The following GULP1 variants were observed in gnomAD, a reference collection of about 807,000 sequenced individuals.
GULP1 encodes the protein PTB domain-containing engulfment adapter protein 1.
A neutral mutation model predicts 40.9 loss-of-function variants in GULP1; 19 were observed. The ratio of observed to expected loss-of-function variants is 0.46; its 90% confidence interval spans 0.32 to 0.68. The LOEUF (loss-of-function observed/expected upper bound fraction) is 0.68. Among genes scored for constraint, GULP1 ranks in the 30% least tolerant of loss-of-function variants. The probability of loss-of-function intolerance (pLI) is 0.03; values close to 1 mark genes in which losing one functional copy is unlikely to be tolerated. For missense variants in GULP1, 312 were observed against 362.2 expected, an observed-to-expected ratio of 0.86 and a Z score of 1.12; for synonymous variants, 119 against 117.6, an observed-to-expected ratio of 1.01 and a Z score of -0.08.
chr2:188,484,742 T>C (rs1039834014), intron 4 of GULP1, among the ~76,000 whole-genome samples: 1 of 152,178 alleles, frequency 6.6e-6, no homozygotes, highest in East Asian at 1.9e-4. Context: ...TAAAAGCCTA[T>C]GTAGAAGAAG....
intron 7 of GULP1, 36 bp from the exon 8 acceptor site, chr2:188,569,203 T>C: frequency 1.9e-6 from 2 of 1,028,624 alleles, no homozygotes; most frequent in Non-Finnish European, 3.1e-6. Flanking sequence ...TTTGACATAT[T>C]ATTAAAATGC....
intron 1 of GULP1, among the ~76,000 whole-genome samples, chr2:188,295,715 TTTTAGAC>T (rs1203944167): frequency 6.6e-6 from 1 of 152,038 alleles, no homozygotes; most frequent in East Asian, 1.9e-4. Context: ...TAGCTTTTAT[TTTTAGAC>T]TTTATATTAT....
intron 2 of GULP1, among the ~76,000 whole-genome samples, chr2:188,428,682 A>C (rs1221212734): frequency 6.6e-6 from 1 of 152,114 alleles, no homozygotes; most frequent in African/African-American, 2.4e-5. Flanking sequence ...CCCTGAAGCC[A>C]AGCAGATGCT....
intron 4 of GULP1, among the ~76,000 whole-genome samples, chr2:188,494,533 G>A (rs995345888): frequency 2.6e-5 from 4 of 152,000 alleles, no homozygotes; most frequent in Non-Finnish European, 5.9e-5. Flanking sequence ...AACACTTGGT[G>A]TCAACTGCTA....
At chr2:188,488,875 T>C (rs550640190) in intron 4 of GULP1, among the ~76,000 whole-genome samples, 1 of 152,072 alleles carries the variant, frequency 6.6e-6, no homozygotes, top group East Asian at 1.9e-4. Context: ...AAATCAAATA[T>C]AGAAAGATAA....
At chr2:188,457,915 A>G (rs2059397117) in intron 2 of GULP1, among the ~76,000 whole-genome samples, 1 of 152,176 alleles carries the variant, frequency 6.6e-6, no homozygotes, top group Non-Finnish European at 1.5e-5. Flanking sequence ...ATAATTGTAC[A>G]GAAATTTAAC....
chr2:188,495,296 T>G (rs11685238), intron 4 of GULP1, among the ~76,000 whole-genome samples: 135,055 of 152,000 alleles, frequency 0.89, 61,282 homozygotes, highest in South Asian at 0.99. Flanking sequence ...TACCTACATA[T>G]ATGCCCTCTT....
intron 2 of GULP1, among the ~76,000 whole-genome samples, chr2:188,390,269 C>T (rs1461997636): frequency 6.6e-6 from 1 of 152,062 alleles, no homozygotes; most frequent in Admixed American, 6.6e-5. Context: ...TTGCCACTTC[C>T]ACGCCAAATC....
At chr2:188,309,263 C>T (rs1344715251) in intron 1 of GULP1, among the ~76,000 whole-genome samples, 6 of 151,932 alleles carry the variant, frequency 3.9e-5, no homozygotes, top group African/African-American at 1.5e-4. Context: ...CCCAGCAGTT[C>T]AAGACCAGCC....
intron 2 of GULP1, among the ~76,000 whole-genome samples, chr2:188,477,406 G>A (rs2153036898): frequency 6.6e-6 from 1 of 152,098 alleles, no homozygotes; most frequent in African/African-American, 2.4e-5. Flanking sequence ...GTTAATGATG[G>A]ATATATAATA....
At chr2:188,514,040 A>AGTGTGTGTGTGT (rs1164481151) in intron 4 of GULP1, among the ~76,000 whole-genome samples, 18,846 of 122,756 alleles carry the variant, frequency 0.15, 1,977 homozygotes, top group East Asian at 0.28. Flanking sequence ...TCCCCTTCTG[A>AGTGTGTGTGTGT]GTGTGTGTGT....
intron 2 of GULP1, among the ~76,000 whole-genome samples, chr2:188,385,183 C>T (rs763078086): frequency 5.3e-5 from 8 of 152,182 alleles, no homozygotes; most frequent in Admixed American, 1.3e-4. Flanking sequence ...TCTGCCTGGA[C>T]ATCCAGGCAT....
intron 1 of GULP1, among the ~76,000 whole-genome samples, chr2:188,357,179 C>T (rs1397667915): frequency 6.6e-6 from 1 of 152,068 alleles, no homozygotes; most frequent in Non-Finnish European, 1.5e-5. Context: ...CTCAAAAGCA[C>T]AGGCAACCGA....
intron 4 of GULP1, among the ~76,000 whole-genome samples, chr2:188,517,739 A>G (rs2065328419): frequency 6.6e-6 from 1 of 151,968 alleles, no homozygotes; most frequent in African/African-American, 2.4e-5. Context: ...CCTCAGGGAA[A>G]AATTCTTCTG....
At chr2:188,344,531 G>A (rs2043364696) in intron 1 of GULP1, among the ~76,000 whole-genome samples, 2 of 152,264 alleles carry the variant, frequency 1.3e-5, no homozygotes, top group African/African-American at 2.4e-5. Context: ...ATAGTAGAGA[G>A]ATTTATGATA....
chr2:188,511,155 A>G (rs541829885), intron 4 of GULP1, among the ~76,000 whole-genome samples: 3 of 152,244 alleles, frequency 2.0e-5, no homozygotes, highest in African/African-American at 4.8e-5. Context: ...TCGGAAACTC[A>G]TTTTATCTGA....
intron 1 of GULP1, among the ~76,000 whole-genome samples, chr2:188,324,216 G>A (rs1310632414): frequency 6.6e-6 from 1 of 152,094 alleles, no homozygotes; most frequent in Non-Finnish European, 1.5e-5. Flanking sequence ...AGAGATGTCT[G>A]TGATTACTCT....
intron 3 of GULP1, among the ~76,000 whole-genome samples, chr2:188,482,824 A>C (rs2061543418): frequency 6.6e-6 from 1 of 151,716 alleles, no homozygotes; most frequent in Admixed American, 6.6e-5. Flanking sequence ...GACTATTTAT[A>C]TCCAAAACTC....
At chr2:188,300,967 T>C (rs1353315642) in intron 1 of GULP1, among the ~76,000 whole-genome samples, 3 of 152,184 alleles carry the variant, frequency 2.0e-5, no homozygotes, top group Admixed American at 6.5e-5. Flanking sequence ...CAAGCACCAC[T>C]GACACTTATT....
Sources: gnomAD v4.1 joint callset for allele counts (sites outside exome capture counted in the v4.1 genomes callset) on GRCh38, gnomAD v4.1.1 for gene constraint, MANE v1.5 for transcripts, NCBI Gene and HGNC (gene_info 2026-07-23, HGNC 2026-07-21) for gene names.